The following SLC24A2 variants were observed in gnomAD, a reference collection of about 807,000 sequenced individuals.
SLC24A2 encodes solute carrier family 24 member 2.
A neutral mutation model predicts 62.0 loss-of-function variants in SLC24A2; 36 were observed. The observed-to-expected ratio is 0.58, with a 90% CI of 0.44 to 0.77. The LOEUF (loss-of-function observed/expected upper bound fraction) is 0.77, where lower values mean the gene tolerates loss of function less well. Among genes scored for constraint, SLC24A2 ranks in the 30% least tolerant of loss-of-function variants. The pLI is 0.00. For missense variants in SLC24A2, 846 were observed against 817.9 expected, an observed-to-expected ratio of 1.03 and a Z score of -0.42; for synonymous variants, 358 against 294.0, an observed-to-expected ratio of 1.22 and a Z score of -2.23.
intron 2 of SLC24A2, among the ~76,000 whole-genome samples, chr9:19,723,428 G>C (rs187862177): frequency 2.6e-5 from 4 of 152,124 alleles, no homozygotes; most frequent in African/African-American, 9.6e-5. Context: ...ATTTAATACA[G>C]GTGTTTGTAT....
chr9:20,206,415 T>C, the SLC24A2 span, among the ~76,000 whole-genome samples: 3 of 152,140 alleles, frequency 2.0e-5, no homozygotes, highest in East Asian at 1.9e-4. Context: ...AATTTTTTTG[T>C]GAAAGAAAAA....
the SLC24A2 span, among the ~76,000 whole-genome samples, chr9:19,986,535 C>T: frequency 2.0e-5 from 3 of 151,776 alleles, no homozygotes; most frequent in Non-Finnish European, 2.9e-5. Flanking sequence ...TGGAAAGAAC[C>T]CAAATGTCCA....
At chr9:19,536,651 A>C (rs199838911) in intron 8 of SLC24A2, among the ~76,000 whole-genome samples, 3 of 61,474 alleles carry the variant, frequency 4.9e-5, no homozygotes, top group Non-Finnish European at 6.0e-5. Context: ...GAATAATGCC[A>C]CAATAAACAT....
chr9:19,783,409 G>T (rs560676848), intron 2 of SLC24A2, among the ~76,000 whole-genome samples: 1 of 152,106 alleles, frequency 6.6e-6, no homozygotes, highest in Non-Finnish European at 1.5e-5. Flanking sequence ...TCCACTGAAG[G>T]CCGCATTTGG....
At chr9:20,099,384 C>T in the SLC24A2 span, among the ~76,000 whole-genome samples, 3 of 152,170 alleles carry the variant, frequency 2.0e-5, no homozygotes, top group Non-Finnish European at 4.4e-5. Flanking sequence ...GGCAACAAAA[C>T]CATTACCTTT....
At chr9:20,046,709 C>T in the SLC24A2 span, among the ~76,000 whole-genome samples, 1 of 152,202 alleles carries the variant, frequency 6.6e-6, no homozygotes, top group Non-Finnish European at 1.5e-5. Flanking sequence ...GGAAAGGAAA[C>T]CTACTCTGTG....
At chr9:19,602,038 T>C (rs1375019220) in intron 4 of SLC24A2, among the ~76,000 whole-genome samples, 1 of 152,232 alleles carries the variant, frequency 6.6e-6, no homozygotes, top group East Asian at 1.9e-4. Context: ...AGAGACCTTA[T>C]CATTATAATG....
the SLC24A2 span, among the ~76,000 whole-genome samples, chr9:20,221,039 T>A: frequency 1.3e-5 from 2 of 152,282 alleles, no homozygotes; most frequent in Non-Finnish European, 2.9e-5. Context: ...AAATTCTGAT[T>A]CTTCTAAGCA....
chr9:20,045,773 G>T, the SLC24A2 span, among the ~76,000 whole-genome samples: 4 of 152,062 alleles, frequency 2.6e-5, no homozygotes, highest in Non-Finnish European at 5.9e-5. Context: ...TCTGCTGGCC[G>T]TCCATGCATG....
the SLC24A2 span, among the ~76,000 whole-genome samples, chr9:20,256,680 G>A: frequency 6.6e-6 from 1 of 152,054 alleles, no homozygotes; most frequent in African/African-American, 2.4e-5. Flanking sequence ...CAGGGGAGAG[G>A]TTGGGATCAG....
chr9:19,615,753 A>G (rs1398442697), intron 4 of SLC24A2, among the ~76,000 whole-genome samples: 3 of 152,166 alleles, frequency 2.0e-5, no homozygotes, highest in African/African-American at 7.2e-5. Context: ...TACAGCAGGA[A>G]TACAGTTTAA....
chr9:19,889,960 A>T, the SLC24A2 span, among the ~76,000 whole-genome samples: 17 of 152,302 alleles, frequency 1.1e-4, no homozygotes, highest in Non-Finnish European at 2.2e-4. Flanking sequence ...ACCAAGCCTC[A>T]TCAAATTGCA....
At chr9:20,006,688 CTG>C in the SLC24A2 span, among the ~76,000 whole-genome samples, 2 of 152,262 alleles carry the variant, frequency 1.3e-5, no homozygotes, top group African/African-American at 4.8e-5. Flanking sequence ...AGGGAATTCT[CTG>C]TCTCTCCATT....
chr9:19,721,741 T>C (rs1821030763), intron 2 of SLC24A2, among the ~76,000 whole-genome samples: 2 of 152,186 alleles, frequency 1.3e-5, no homozygotes, highest in Non-Finnish European at 2.9e-5. Context: ...AAATTAATCA[T>C]TCCAACACAT....
chr9:19,622,406 A>C, intron 2 of SLC24A2, 107 bp from the exon 3 acceptor site: 5 of 1,154,518 alleles, frequency 4.3e-6, no homozygotes, highest in Non-Finnish European at 5.1e-6. Context: ...GGAAGATTTC[A>C]TTCTTTCTGC....
intron 2 of SLC24A2, among the ~76,000 whole-genome samples, chr9:19,669,142 T>C (rs1200405500): frequency 6.6e-6 from 1 of 152,218 alleles, no homozygotes; most frequent in South Asian, 2.1e-4. Context: ...GAAAAGCATA[T>C]GTAATTTGGG....
the SLC24A2 span, among the ~76,000 whole-genome samples, chr9:19,898,693 G>T: frequency 7.1e-6 from 1 of 141,204 alleles, no homozygotes; most frequent in African/African-American, 2.7e-5. Context: ...CGTGAGCTGA[G>T]ATCGTGCCAC....
the SLC24A2 span, among the ~76,000 whole-genome samples, chr9:19,839,159 A>G: frequency 2.6e-5 from 4 of 152,250 alleles, no homozygotes; most frequent in Non-Finnish European, 4.4e-5. Flanking sequence ...ATCACTGGCC[A>G]TCAGAGAAAT....
intron 5 of SLC24A2, among the ~76,000 whole-genome samples, chr9:19,585,485 G>A (rs1586998032): frequency 6.6e-6 from 1 of 152,180 alleles, no homozygotes; most frequent in East Asian, 1.9e-4. Context: ...CAGAAGCAAT[G>A]ACTCCTTTTA....
Sources: allele counts gnomAD v4.1 joint callset (sites outside exome capture counted in the v4.1 genomes callset), GRCh38; gene constraint gnomAD v4.1.1; transcripts MANE v1.5; gene names NCBI Gene and HGNC (gene_info 2026-07-23, HGNC 2026-07-21).